The following GLS variants were observed in gnomAD, a reference collection of about 807,000 sequenced individuals.
GLS encodes glutaminase.
A neutral mutation model predicts 86.7 loss-of-function variants in GLS; 36 were observed. The ratio of observed to expected loss-of-function variants is 0.42; its 90% CI spans 0.32 to 0.55. The LOEUF is 0.55. Ranked by LOEUF, GLS falls within the 20% of genes least tolerant of loss-of-function variation. GLS has a pLI of 0.17. For synonymous variants in GLS, 317 were observed against 305.9 expected, an observed-to-expected ratio of 1.04 and a Z score of -0.38; for missense variants, 528 against 833.4, an observed-to-expected ratio of 0.63 and a Z score of 4.51.
chr2:190,942,067 CTTTTTT>C (rs3036653), intron 14 of GLS, among the ~76,000 whole-genome samples: 29 of 38,054 alleles, frequency 7.6e-4, no homozygotes, highest in South Asian at 4.3e-3. Flanking sequence ...ACTTTGAAGA[CTTTTTT>C]TTTTTTTTTT....
intron 1 of GLS, among the ~76,000 whole-genome samples, chr2:190,887,393 C>T (rs1288961461): frequency 2.6e-5 from 4 of 151,994 alleles, no homozygotes; most frequent in African/African-American, 9.7e-5. Flanking sequence ...GGAGTGTCCT[C>T]TGCTTGATAT....
At chr2:190,950,257 G>A (rs903091392) in intron 14 of GLS, among the ~76,000 whole-genome samples, 1 of 152,098 alleles carries the variant, frequency 6.6e-6, no homozygotes, top group African/African-American at 2.4e-5. Context: ...GTGTAACCAG[G>A]AATAGAGCCT....
At chr2:190,960,036 C>G (rs954913444) in intron 17 of GLS, among the ~76,000 whole-genome samples, 3 of 152,118 alleles carry the variant, frequency 2.0e-5, no homozygotes, top group Admixed American at 2.0e-4. Flanking sequence ...TCTCCTCTCT[C>G]TCCTGGTCGA....
In GLS at chr2:190,948,422, A is replaced by G. The variant is rs556361771; in HGVS notation, c.1651-5143A>G. On this transcript the variant is annotated intron_variant, in intron 14 of 17. Transcript: ENST00000320717. Reference sequence around the variant, plus strand: ...ATCTTCTATTTTGGGCCTTATTAATAAGAAATGGACTTTTAGAACGTTTGA... The same window carrying G: ...ATCTTCTATTTTGGGCCTTATTAATGAGAAATGGACTTTTAGAACGTTTGA... Among the ~76,000 whole-genome samples, 5 of 152,290 alleles carry G rather than the reference A, an allele frequency of 3.3e-5. No individual in the cohort carries two copies. In the South Asian group the frequency reaches 6.2e-4, roughly 19 times the overall value.
intron 1 of GLS, among the ~76,000 whole-genome samples, chr2:190,882,534 C>T (rs1324651057): frequency 6.6e-6 from 1 of 152,120 alleles, no homozygotes; most frequent in Non-Finnish European, 1.5e-5. Flanking sequence ...CCTTTTATTT[C>T]TGCTGCTATT....
intron 6 of GLS, among the ~76,000 whole-genome samples, chr2:190,906,407 T>G (rs935460567): frequency 5.3e-5 from 8 of 152,144 alleles, no homozygotes; most frequent in Non-Finnish European, 1.2e-4. Flanking sequence ...AAAATGGGCT[T>G]GGAGCAAATG....
chr2:190,933,289 C>CA (rs1023040495), intron 14 of GLS: 3 of 908,456 alleles, frequency 3.3e-6, no homozygotes, highest in Non-Finnish European at 3.9e-6. Flanking sequence ...TCTTTAGTGG[C>CA]AATAGAAGGT....
chr2:190,908,775 G>T (rs140635272), intron 6 of GLS, among the ~76,000 whole-genome samples: 4 of 152,326 alleles, frequency 2.6e-5, no homozygotes, highest in African/African-American at 9.6e-5. Flanking sequence ...TCTGGCTTTT[G>T]AGCCAAAGGC....
rs2124842560 is a variant in GLS at position 190,901,732 on chromosome 2, T to C, written c.736-215T>C. Among the ~76,000 whole-genome samples the C allele has an allele frequency of 2.0e-5, 3 of 152,172 alleles. 1 individual carries two copies. In the East Asian group the frequency reaches 5.8e-4, roughly 29 times the overall value. The stretch of plus-strand genomic sequence containing the variant: ...TTGGAAAATAAGAAATAATAGAGAC[T>C]GAGAAAAGTCACTTTAGATCTCATA... On this transcript the variant is annotated intron_variant, in intron 4 of 17. Transcript: ENST00000320717.
In GLS at chr2:190,930,918, G is replaced by A. The variant is rs1690088746; in HGVS notation, c.1557+350G>A. The stretch of plus-strand genomic sequence containing the variant: ...TTTTGGTTTATTATATCTTTAATCT[G>A]CATGGTTAAATATCTTTATCCATTG... On this transcript the variant is annotated intron_variant, in intron 13 of 17. Transcript: ENST00000320717. This position sits in a 1 kb window ranked among gnomAD's most constrained non-coding sequence, Gnocchi z 5.0. 6.6e-6 allele frequency among the ~76,000 whole-genome samples: 1 copy of A among 152,052 alleles called. No individual in the cohort carries two copies. Among genetic ancestry groups the A allele is most frequent in the Non-Finnish European group, 1.5e-5 (1 of 67,998 alleles).
At chr2:190,891,457 G>T (rs1688557307) in intron 1 of GLS, among the ~76,000 whole-genome samples, 1 of 151,354 alleles carries the variant, frequency 6.6e-6, no homozygotes, top group African/African-American at 2.4e-5. Context: ...TACACAGAAG[G>T]CATGATAGGT....
chr2:190,925,580 G>A (rs932505051), intron 11 of GLS, among the ~76,000 whole-genome samples: 3 of 152,132 alleles, frequency 2.0e-5, no homozygotes, highest in African/African-American at 7.2e-5. Flanking sequence ...CACATAGGAG[G>A]CTACATTATT....
At position 190,921,115 on chromosome 2, in the gene GLS, T is replaced by G. The variant is rs1689720603; in HGVS notation, c.1072-30T>G. 6.3e-7 allele frequency: 1 copy of G among 1,581,872 alleles called. No individual in the cohort carries two copies. The highest frequency in any genetic ancestry group is 8.7e-7 in the Non-Finnish European group (1 of 1,151,188). On this transcript the variant is annotated intron_variant, in intron 8 of 17. Transcript: ENST00000320717. The surrounding 1 kb of genome is among the most constrained non-coding windows in gnomAD (Gnocchi z 4.2). ...CATTCTCTATATATTTGTTTTTTGA[T>G]TACTAATATTCCCTACTTTTGGTTT...
In GLS at chr2:190,913,357, C is replaced by A; in HGVS notation, c.1038+3036C>A. ...CCAATATTTAAAATTTTAAACAAAGCTATATAGGTAAATACCTTTTTAAAA... is the reference window on the plus strand; with the variant it reads ...CCAATATTTAAAATTTTAAACAAAGATATATAGGTAAATACCTTTTTAAAA... On this transcript the variant is annotated intron_variant, in intron 7 of 17. Coordinates refer to ENST00000320717, the MANE Select transcript of GLS (RefSeq NM_014905.5). This position sits in a 1 kb window ranked among gnomAD's most constrained non-coding sequence, Gnocchi z 6.1. 1 of 1,108,450 alleles carries A rather than the reference C, an allele frequency of 9.0e-7. No homozygotes were observed. The highest frequency in any genetic ancestry group is 1.2e-6 in the Non-Finnish European group (1 of 865,332). The allele number at this position is 1,108,450 out of a possible 1,614,324, so 68.7% of individuals were successfully genotyped here.
At chr2:190,940,028 T>A (rs936217397) in intron 14 of GLS, among the ~76,000 whole-genome samples, 8 of 151,912 alleles carry the variant, frequency 5.3e-5, no homozygotes, top group Admixed American at 2.0e-4. Flanking sequence ...TTATATATGT[T>A]CACTTCCAAA....
rs1009685081 is a variant in GLS, at chr2:190,949,272, T to G, written c.1651-4293T>G. On this transcript the variant is annotated intron_variant, in intron 14 of 17. Coordinates refer to ENST00000320717, the MANE Select transcript of GLS (RefSeq NM_014905.5). The surrounding 1 kb of genome is among the most constrained non-coding windows in gnomAD (Gnocchi z 4.0). ...CCGCTGCTTAGAAACCTGTAGTGAT[T>G]AGAGCAATGTTTTGAGAATATGATT... Among the ~76,000 whole-genome samples the G allele has an allele frequency of 6.6e-6, 1 of 152,160 alleles. No homozygotes were observed. Among genetic ancestry groups the G allele is most frequent in the African/African-American group, 2.4e-5 (1 of 41,430 alleles).
chr2:190,921,374 G>A lies in GLS; in HGVS notation c.1130+171G>A, dbSNP rs920569301. ...TTTCTTACAGGTAATCATACAATCA[G>A]AAGAGACCCCAAGTTTATCTCAAAT... is the stretch of plus-strand genomic sequence containing the variant. On this transcript the variant is annotated intron_variant, in intron 9 of 17. Transcript: ENST00000320717. The surrounding 1 kb of genome is among the most constrained non-coding windows in gnomAD (Gnocchi z 4.2). Among the ~76,000 whole-genome samples, 1 of 151,868 alleles carries A rather than the reference G, an allele frequency of 6.6e-6. No homozygotes were observed. Among genetic ancestry groups the A allele is most frequent in the Non-Finnish European group, 1.5e-5 (1 of 67,836 alleles).
chr2:190,961,914 G>T (rs1691011889), intron 17 of GLS, among the ~76,000 whole-genome samples: 1 of 152,180 alleles, frequency 6.6e-6, no homozygotes, highest in Non-Finnish European at 1.5e-5. Flanking sequence ...TGGTGCCAGT[G>T]GCACATGGAT....
At chr2:190,939,020 C>T (rs1415603898) in intron 14 of GLS, among the ~76,000 whole-genome samples, 2 of 151,462 alleles carry the variant, frequency 1.3e-5, no homozygotes, top group African/African-American at 2.4e-5. Context: ...ATAAGTAAAA[C>T]GATTTTAAAT....
Sources: allele counts gnomAD v4.1 joint callset (sites outside exome capture counted in the v4.1 genomes callset), GRCh38; gene constraint gnomAD v4.1.1; non-coding constraint Gnocchi (gnomAD v3.1); transcripts MANE v1.5; gene names NCBI Gene and HGNC (gene_info 2026-07-23, HGNC 2026-07-21).